The following CFDP1 variants were observed in gnomAD, a reference collection of about 807,000 sequenced individuals.
CFDP1 encodes the protein heterochromatin-stabilizing protein CFDP1.
In CFDP1, 31 loss-of-function variants were observed where a neutral mutation model predicts 40.1. The observed-to-expected ratio is 0.77, with a 90% CI of 0.58 to 1.04. The LOEUF (loss-of-function observed/expected upper bound fraction) is 1.04. Ranked by LOEUF, CFDP1 falls within the 50% of genes least tolerant of loss-of-function variation. CFDP1 has a pLI of 0.00. For synonymous variants in CFDP1, 167 were observed against 120.0 expected (o/e 1.39, Z -2.56); for missense variants, 423 against 343.4 (o/e 1.23, Z -1.83).
At chr16:75,362,928 A>G (rs1000028135) in intron 5 of CFDP1, 9 of 152,190 alleles carry the variant, frequency 5.9e-5, no homozygotes, top group Non-Finnish European at 1.2e-4. Flanking sequence ...TGGCAGTGGC[A>G]GATCTTATGG....
At chr16:75,310,761 G>C (rs1017238521) in intron 5 of CFDP1, among the ~76,000 whole-genome samples, 8 of 152,232 alleles carry the variant, frequency 5.3e-5, no homozygotes. Flanking sequence ...GGAGCTGGGA[G>C]AGTAACTTGC....
intron 4 of CFDP1, among the ~76,000 whole-genome samples, chr16:75,402,876 GGGAA>G (rs1284059601): frequency 6.6e-6 from 1 of 151,716 alleles, no homozygotes; most frequent in Non-Finnish European, 1.5e-5. Flanking sequence ...TTTTCTTTAG[GGGAA>G]GGGAGTTACA....
At chr16:75,377,166 C>G (rs768958372) in intron 5 of CFDP1, among the ~76,000 whole-genome samples, 3 of 152,196 alleles carry the variant, frequency 2.0e-5, no homozygotes, top group Non-Finnish European at 4.4e-5. Context: ...TGGATGTATT[C>G]AATTGTGAAA....
intron 5 of CFDP1, among the ~76,000 whole-genome samples, chr16:75,331,479 T>G (rs1480474031): frequency 1.3e-5 from 2 of 152,150 alleles, no homozygotes; most frequent in African/African-American, 2.4e-5. Context: ...TATACCCCTA[T>G]GTAACTCATA....
intron 5 of CFDP1, chr16:75,379,919 C>T (rs1426960786): frequency 2.0e-5 from 3 of 152,182 alleles, no homozygotes; most frequent in African/African-American, 4.8e-5. Context: ...GGGCATATCA[C>T]TTGAGCCCAG....
chr16:75,354,717 C>G (rs1017588231), intron 5 of CFDP1, among the ~76,000 whole-genome samples: 1 of 152,166 alleles, frequency 6.6e-6, no homozygotes, highest in African/African-American at 2.4e-5. Flanking sequence ...TTAAAAGTTA[C>G]TGCTTAAATG....
At chr16:75,365,891 T>G (rs1170176684) in intron 5 of CFDP1, among the ~76,000 whole-genome samples, 1 of 152,206 alleles carries the variant, frequency 6.6e-6, no homozygotes, top group Non-Finnish European at 1.5e-5. Flanking sequence ...CACTACCAGC[T>G]GTTCATGAGG....
rs140733790 is a variant in CFDP1, at chr16:75,316,782, C to T, written c.651-11600G>A. ...GTCAGGAGTTCGAGACCAGCCTGAC[C>T]AACACAGAGAAACCCCATCTCTAAT... On this transcript the variant is annotated intron_variant, in intron 5 of 6. Transcript: ENST00000283882. Among the ~76,000 whole-genome samples the T allele has an allele frequency of 8.1e-3, 1,235 of 151,970 alleles. 21 individuals are homozygous for T. Among genetic ancestry groups the T allele is most frequent in the African/African-American group, 0.027 (1,134 of 41,488 alleles).
chr16:75,329,517 A>G (rs1044687846), intron 5 of CFDP1, among the ~76,000 whole-genome samples: 19 of 152,012 alleles, frequency 1.2e-4, no homozygotes, highest in Non-Finnish European at 2.4e-4. Flanking sequence ...TTTTTAAGAG[A>G]CAAGGTCTCA....
At chr16:75,424,275 G>GT (rs929573648) in intron 1 of CFDP1, among the ~76,000 whole-genome samples, 28 of 152,160 alleles carry the variant, frequency 1.8e-4, no homozygotes, top group African/African-American at 6.3e-4. Flanking sequence ...TTGTGCCTCA[G>GT]TTTTTTCATC....
intron 5 of CFDP1, among the ~76,000 whole-genome samples, chr16:75,368,596 A>C (rs2151537537): frequency 6.6e-6 from 1 of 152,394 alleles, no homozygotes; most frequent in South Asian, 2.1e-4. Context: ...AAAGATTGGC[A>C]AAATATTGAT....
rs367946152 is a variant in CFDP1 at position 75,371,791 on chromosome 16, T to G, written c.650+23299A>C. 3.5e-4 allele frequency among the ~76,000 whole-genome samples: 53 copies of G among 152,328 alleles called. No homozygotes were observed. The East Asian group carries it at 9.4e-3, about 27-fold the overall frequency. On this transcript the variant is annotated intron_variant, in intron 5 of 6. Coordinates refer to ENST00000283882, the MANE Select transcript of CFDP1 (RefSeq NM_006324.3). ...TTTAGTAGGAAGAGGATGAAAATGT[T>G]GATTAAATCTATATACGTTTTTAAT...
chr16:75,379,303 A>G (rs1184673871), intron 5 of CFDP1, among the ~76,000 whole-genome samples: 1 of 151,666 alleles, frequency 6.6e-6, no homozygotes, highest in Admixed American at 6.6e-5. Context: ...TGAACAGATC[A>G]ATAAAATCGA....
At chr16:75,377,673 T>C (rs571663920) in intron 5 of CFDP1, among the ~76,000 whole-genome samples, 10 of 152,220 alleles carry the variant, frequency 6.6e-5, no homozygotes, top group Non-Finnish European at 1.5e-4. Flanking sequence ...TCACTAAATA[T>C]GCTCCTAGTT....
chr16:75,411,462 A>G (rs1189931431), intron 4 of CFDP1, among the ~76,000 whole-genome samples: 1 of 152,192 alleles, frequency 6.6e-6, no homozygotes, highest in Admixed American at 6.5e-5. Context: ...ATTTTCAATT[A>G]TTATCTGATT....
At chr16:75,364,225 A>T (rs12919398) in intron 5 of CFDP1, among the ~76,000 whole-genome samples, 48 of 152,258 alleles carry the variant, frequency 3.2e-4, no homozygotes, top group Middle Eastern at 6.8e-3. Flanking sequence ...TTCACTTTTT[A>T]AAAAAATGGT....
intron 1 of CFDP1, among the ~76,000 whole-genome samples, chr16:75,429,859 A>G (rs983551474): frequency 6.6e-6 from 1 of 152,322 alleles, no homozygotes; most frequent in South Asian, 2.1e-4. Context: ...GTATTTGAAG[A>G]GAATTATTCT....
intron 4 of CFDP1, among the ~76,000 whole-genome samples, chr16:75,398,048 T>C (rs563522557): frequency 1.2e-4 from 18 of 152,204 alleles, no homozygotes; most frequent in Non-Finnish European, 2.6e-4. Flanking sequence ...ACACATGCTG[T>C]AGACCTGAAC....
At chr16:75,367,061 G>A (rs866769226) in intron 5 of CFDP1, among the ~76,000 whole-genome samples, 70 of 151,402 alleles carry the variant, frequency 4.6e-4, no homozygotes, top group African/African-American at 1.7e-3. Flanking sequence ...CTACCTGGGA[G>A]GCTGAGGAAG....
Sources: allele counts gnomAD v4.1 joint callset (sites outside exome capture counted in the v4.1 genomes callset), GRCh38; gene constraint gnomAD v4.1.1; transcripts MANE v1.5; gene names NCBI Gene and HGNC (gene_info 2026-07-23, HGNC 2026-07-21).